The following WIF1 variants were observed in gnomAD, a reference collection of about 807,000 sequenced individuals.
The protein encoded by WIF1 is Wnt inhibitory factor 1.
WIF1 carries 35 observed loss-of-function variants against 53.5 expected under a neutral mutation model. The observed-to-expected ratio is 0.65, with a 90% confidence interval of 0.50 to 0.87. The LOEUF (loss-of-function observed/expected upper bound fraction) is 0.87. WIF1 is among the 40% of genes least tolerant of loss of function. The pLI is 0.00. For missense variants in WIF1, 467 were observed against 476.8 expected (o/e 0.98, Z 0.19); for synonymous variants, 171 against 170.4 (o/e 1.00, Z -0.03).
chr12:65,054,794 AT>A (rs1180683832), intron 9 of WIF1, among the ~76,000 whole-genome samples: 2 of 152,228 alleles, frequency 1.3e-5, no homozygotes, highest in Non-Finnish European at 2.9e-5. Flanking sequence ...AACACACTAT[AT>A]TACCCCTAGA....
chr12:65,077,987 T>G, intron 2 of WIF1, 133 bp from the exon 3 acceptor site: 20 of 673,066 alleles, frequency 3.0e-5, no homozygotes, highest in Admixed American at 4.8e-5. Flanking sequence ...GCATCCAAGA[T>G]ACTGGGTAGG....
At chr12:65,064,139 C>T (rs1179830933) in intron 6 of WIF1, among the ~76,000 whole-genome samples, 1 of 152,232 alleles carries the variant, frequency 6.6e-6, no homozygotes, top group Non-Finnish European at 1.5e-5. Flanking sequence ...CCCTGGAAAA[C>T]TTTGGGATCA....
chr12:65,080,174 CA>C (rs1882925993), intron 2 of WIF1, among the ~76,000 whole-genome samples: 1 of 152,170 alleles, frequency 6.6e-6, no homozygotes, highest in Non-Finnish European at 1.5e-5. Context: ...TTCACTAAGC[CA>C]AAAGGATAAC....
intron 2 of WIF1, among the ~76,000 whole-genome samples, chr12:65,091,617 A>G (rs1375056067): frequency 6.6e-6 from 1 of 152,158 alleles, no homozygotes; most frequent in African/African-American, 2.4e-5. Context: ...ATTGTGATTA[A>G]ATTCTACTGT....
intron 2 of WIF1, among the ~76,000 whole-genome samples, chr12:65,084,441 C>A (rs796762525): frequency 1.3e-5 from 2 of 152,168 alleles, no homozygotes; most frequent in Non-Finnish European, 2.9e-5. Flanking sequence ...AGCTCACTGG[C>A]CCGAGGTGAT....
intron 2 of WIF1, among the ~76,000 whole-genome samples, chr12:65,107,685 G>A (rs754361606): frequency 1.1e-4 from 17 of 152,118 alleles, no homozygotes; most frequent in African/African-American, 2.4e-4. Flanking sequence ...CTTCAGATGC[G>A]AATCCTCCCA....
At chr12:65,093,914 A>G (rs992181732) in intron 2 of WIF1, among the ~76,000 whole-genome samples, 1 of 152,164 alleles carries the variant, frequency 6.6e-6, no homozygotes, top group Admixed American at 6.6e-5. Context: ...ACCATTACCA[A>G]AGAATAACCT....
At chr12:65,075,558 A>G (rs950084822) in intron 3 of WIF1, among the ~76,000 whole-genome samples, 1 of 152,230 alleles carries the variant, frequency 6.6e-6, no homozygotes, top group East Asian at 1.9e-4. Flanking sequence ...AATAAATAGC[A>G]TATCTTGAAT....
chr12:65,115,389 A>T (rs1273531295), intron 2 of WIF1, among the ~76,000 whole-genome samples: 1 of 152,218 alleles, frequency 6.6e-6, no homozygotes, highest in Admixed American at 6.5e-5. Context: ...TATGGAAATC[A>T]GTAGTGGTAT....
chr12:65,088,794 C>A (rs1592397132), intron 2 of WIF1, among the ~76,000 whole-genome samples: 1 of 151,702 alleles, frequency 6.6e-6, no homozygotes. Context: ...ATAATTGCAC[C>A]TCAAAAAAAA....
At chr12:65,060,353 T>C (rs1218150063) in intron 7 of WIF1, among the ~76,000 whole-genome samples, 1 of 152,208 alleles carries the variant, frequency 6.6e-6, no homozygotes, top group East Asian at 1.9e-4. Context: ...GGAATATTAT[T>C]TGGCAATAAA....
At chr12:65,103,446 G>A (rs1883309879) in intron 2 of WIF1, among the ~76,000 whole-genome samples, 2 of 152,154 alleles carry the variant, frequency 1.3e-5, no homozygotes, top group Non-Finnish European at 2.9e-5. Context: ...ATGAGTGAAT[G>A]CTTCCTCAAA....
intron 9 of WIF1, among the ~76,000 whole-genome samples, chr12:65,053,177 T>C (rs1364433607): frequency 6.6e-6 from 1 of 152,192 alleles, no homozygotes; most frequent in Non-Finnish European, 1.5e-5. Flanking sequence ...AGGGATACCA[T>C]TCAACCATTC....
intron 2 of WIF1, among the ~76,000 whole-genome samples, chr12:65,106,448 C>A (rs552452352): frequency 6.6e-6 from 1 of 151,348 alleles, no homozygotes; most frequent in Admixed American, 6.6e-5. Flanking sequence ...TGATGTGCCT[C>A]GGCCCCCCAG....
intron 7 of WIF1, among the ~76,000 whole-genome samples, chr12:65,056,567 A>G (rs1249679291): frequency 6.6e-6 from 1 of 151,488 alleles, no homozygotes; most frequent in Admixed American, 6.6e-5. Context: ...TAACTGACTC[A>G]CAAATACTTG....
At chr12:65,059,894 C>T (rs1306815186) in intron 7 of WIF1, among the ~76,000 whole-genome samples, 12 of 152,170 alleles carry the variant, frequency 7.9e-5, no homozygotes, top group Middle Eastern at 3.4e-3. Context: ...TCAGGTGATC[C>T]GCCTGCTTCA....
intron 2 of WIF1, among the ~76,000 whole-genome samples, chr12:65,098,817 G>A (rs1280895671): frequency 6.6e-6 from 1 of 152,072 alleles, no homozygotes; most frequent in Non-Finnish European, 1.5e-5. Context: ...GAAAAACCCT[G>A]CCCTGGTTGT....
chr12:65,071,427 T>C (rs1183243677), intron 3 of WIF1, among the ~76,000 whole-genome samples: 2 of 152,094 alleles, frequency 1.3e-5, no homozygotes, highest in Non-Finnish European at 2.9e-5. Flanking sequence ...ATAGAAAAAC[T>C]GTAAGCAATT....
intron 9 of WIF1, 43 bp from the exon 10 acceptor site, chr12:65,051,513 C>A (rs758664142): frequency 3.9e-6 from 6 of 1,521,344 alleles, no homozygotes; most frequent in Non-Finnish European, 4.4e-6. Flanking sequence ...AACTACAAAA[C>A]CAGGCTCTTC....
Sources: gnomAD v4.1 joint callset for allele counts (sites outside exome capture counted in the v4.1 genomes callset) on GRCh38, gnomAD v4.1.1 for gene constraint, MANE v1.5 for transcripts, NCBI Gene and HGNC (gene_info 2026-07-23, HGNC 2026-07-21) for gene names.